TTC31: variants seen among roughly 807,000 people sequenced by gnomAD.
TTC31 encodes the protein tetratricopeptide repeat protein 31.
A neutral mutation model predicts 60.4 loss-of-function variants in TTC31; 59 were observed. The ratio of observed to expected loss-of-function variants is 0.98; its 90% CI spans 0.79 to 1.21. The LOEUF (loss-of-function observed/expected upper bound fraction) is 1.21, where lower values mean the gene tolerates loss of function less well. Among genes scored for constraint, TTC31 ranks in the 50% most tolerant of loss-of-function variants. The probability of loss-of-function intolerance (pLI) is 0.00; values close to 1 mark genes in which losing one functional copy is unlikely to be tolerated. For synonymous variants in TTC31, 225 were observed against 249.6 expected, an observed-to-expected ratio of 0.90 and a Z score of 0.93; for missense variants, 672 against 646.9, an observed-to-expected ratio of 1.04 and a Z score of -0.42.
chr2:74,490,308 G>A lies in TTC31; in HGVS notation c.297G>A (p.Gly99=). Residue 99 remains glycine (G), a synonymous_variant, in exon 4 of 13, where the codon GGG becomes GGA. Transcript: ENST00000233623. Reference sequence around the variant, plus strand: ...CTGGACAGAGTGACAGGGGCAAGGGGGCTGAGGGACTGGGCACCTACTGTG... The same window carrying A: ...CTGGACAGAGTGACAGGGGCAAGGGAGCTGAGGGACTGGGCACCTACTGTG... The part of the protein sequence containing the change: ...KSTGQSDRGK[G]AEGLGTYCGL... 1 of 1,614,128 alleles carries A rather than the reference G, an allele frequency of 6.2e-7. No homozygotes were observed. Among genetic ancestry groups the A allele is most frequent in the Non-Finnish European group, 8.5e-7 (1 of 1,180,010 alleles).
chr2:74,488,519 C>T (rs1391771446), intron 2 of TTC31, among the ~76,000 whole-genome samples: 1 of 152,200 alleles, frequency 6.6e-6, no homozygotes, highest in Non-Finnish European at 1.5e-5. Flanking sequence ...CCATCAGGAC[C>T]ACAGAATGTG....
chr2:74,490,346 C>T lies in TTC31; in HGVS notation c.335C>T (p.Ser112Phe), dbSNP rs1673697525. 1.2e-6 allele frequency: 2 copies of T among 1,614,088 alleles called. No homozygotes were observed. The highest frequency in any genetic ancestry group is 8.5e-7 in the Non-Finnish European group (1 of 1,179,998). ...GLGTYCGLRK[S>F]FLYPPQESEP... ...GGCACCTACTGTGGTCTCCGCAAGT[C>T]CTTCCTGTATCCTCCCCAAGAGTCT... The change falls in exon 4 of 13, where the codon TCC becomes TTC. Residue 112 changes from serine to phenylalanine, a missense_variant. Physicochemically the swap from Ser to Phe is radical, Grantham distance 155. Transcript: ENST00000233623.
At chr2:74,483,700 G>T in intron 2 of TTC31, 1 of 1,059,158 alleles carries the variant, frequency 9.4e-7, no homozygotes, top group African/African-American at 1.6e-5. Flanking sequence ...ATGGAGGCCG[G>T]GCGCGGTGGC....
In TTC31 at chr2:74,490,682, G is replaced by A. The variant is rs561098173; in HGVS notation, c.489G>A (p.Leu163=). Residue 163 remains leucine (L), a synonymous_variant, in exon 5 of 13, where the codon CTG becomes CTA. Transcript: ENST00000233623. Reference sequence around the variant, plus strand: ...AAGCCAATCGCCTGGCTGAGGAGCTGGTGGCTGAGGAGGAGCGCATGAAAC... The same window carrying A: ...AAGCCAATCGCCTGGCTGAGGAGCTAGTGGCTGAGGAGGAGCGCATGAAAC... ...EEEANRLAEE[L]VAEEERMKQK... The A allele has an allele frequency of 6.4e-5, 104 of 1,613,942 alleles. 1 individual carries two copies. In the South Asian group the frequency reaches 1.1e-3, roughly 17 times the overall value.
At position 74,493,026 on chromosome 2, in the gene TTC31, C is replaced by G. The variant is rs756931988; in HGVS notation, c.1368C>G (p.Cys456Trp). Residue 456 changes from cysteine (C) to tryptophan (W), a missense_variant, in exon 13 of 13, where the codon TGC (cysteine) becomes TGG (tryptophan). Physicochemically the swap from Cys to Trp is radical, Grantham distance 215 (BLOSUM62 -2). Coordinates refer to ENST00000233623, the MANE Select transcript of TTC31 (RefSeq NM_022492.6). ...LAPSGLPSLR[C>W]PRSTALRSPG... is the part of the protein sequence containing the mutation. ...CCTCAGGCCTACCTTCCCTCAGGTG[C>G]CCTCGAAGCACTGCTTTGAGGTCCC... is the stretch of plus-strand genomic sequence containing the variant. 6.2e-7 allele frequency: 1 copy of G among 1,614,058 alleles called. No individual in the cohort carries two copies. The highest frequency in any genetic ancestry group is 1.3e-5 in the African/African-American group (1 of 74,916).
In TTC31 at chr2:74,491,065, T is replaced by C. The variant is rs552478078; in HGVS notation, c.547-63T>C. 9 of 1,602,676 alleles carry C rather than the reference T, an allele frequency of 5.6e-6. No individual in the cohort carries two copies. The East Asian group carries it at 1.8e-4, about 32-fold the overall frequency. ...GCTGCAAAGATGGAATGCGAAATCT[T>C]AGCCCAGCACACGACATACAGTAAG... On this transcript the variant is annotated intron_variant, in intron 5 of 12. Transcript: ENST00000233623.
Position 74,491,128 on chromosome 2 carries a change from C to G in TTC31, c.547C>G (p.Arg183Gly), listed in dbSNP as rs1455204063. 1 of 1,614,062 alleles carries G rather than the reference C, an allele frequency of 6.2e-7. No homozygotes were observed. Among genetic ancestry groups the G allele is most frequent in the South Asian group, 1.1e-5 (1 of 91,088 alleles). Residue 183 changes from arginine to glycine, a missense_variant and splice_region_variant, in exon 6 of 13, where the codon CGT becomes GGT. Physicochemically the swap from Arg to Gly is moderately radical, Grantham distance 125. Coordinates refer to ENST00000233623, the MANE Select transcript of TTC31 (RefSeq NM_022492.6). ...ATCATTGTTACCATTACTATTGCAG[C>G]GTCAAAAGGAACGGAAGCGACAGGA... ...KAEKKRLKKKRQKERKRQERL... is the reference protein window; with the variant it reads ...KAEKKRLKKKGQKERKRQERL...
At chr2:74,487,491 T>A (rs898508238) in intron 2 of TTC31, among the ~76,000 whole-genome samples, 13 of 152,134 alleles carry the variant, frequency 8.5e-5, no homozygotes, top group Non-Finnish European at 1.3e-4. Flanking sequence ...TTGCTGGGAT[T>A]ACAGGTGTGA....
At chr2:74,488,950 G>C (rs192505751) in intron 2 of TTC31, among the ~76,000 whole-genome samples, 23 of 152,302 alleles carry the variant, frequency 1.5e-4, no homozygotes, top group Non-Finnish European at 2.9e-4. Context: ...CAGCTACTTG[G>C]GAGGGTGAGG....
intron 2 of TTC31, among the ~76,000 whole-genome samples, chr2:74,489,264 T>C (rs545487544): frequency 5.9e-5 from 9 of 152,154 alleles, no homozygotes; most frequent in Admixed American, 5.2e-4. Flanking sequence ...TGAAGGGAGA[T>C]AGAATTTGAA....
At position 74,492,992 on chromosome 2, in the gene TTC31, A is replaced by T. The variant is rs367938927; in HGVS notation, c.1334A>T (p.Glu445Val). The stretch of plus-strand genomic sequence containing the variant: ...GCCCTCCAGCCACTTCCCCATGCTG[A>T]GCTGGCACCCTCAGGCCTACCTTCC... ...PGALQPLPHA[E>V]LAPSGLPSLR... Residue 445 changes from glutamate to valine, a missense_variant, in exon 13 of 13, where the codon GAG becomes GTG. Glu to Val is a moderately radical substitution (Grantham distance 121, BLOSUM62 -2). Transcript: ENST00000233623. The T allele has an allele frequency of 1.2e-6, 2 of 1,613,992 alleles. No homozygotes were observed. The highest frequency in any genetic ancestry group is 2.7e-5 in the African/African-American group (2 of 74,918).
intron 1 of TTC31, 83 bp from the exon 2 acceptor site, chr2:74,483,239 C>T: frequency 1.2e-6 from 2 of 1,612,792 alleles, no homozygotes; most frequent in Non-Finnish European, 1.7e-6. Flanking sequence ...ATGCAGAGGG[C>T]GGAGAGTCGA....
rs114042915 is a variant in TTC31, at chr2:74,484,362, G to A, written c.129+952G>A. Among the ~76,000 whole-genome samples, 646 of 152,370 alleles carry A rather than the reference G, an allele frequency of 4.2e-3. 6 individuals are homozygous for A. The highest frequency in any genetic ancestry group is 0.015 in the African/African-American group (623 of 41,590). On this transcript the variant is annotated intron_variant, in intron 2 of 12. Coordinates refer to ENST00000233623, the MANE Select transcript of TTC31 (RefSeq NM_022492.6). Reference sequence around the variant, plus strand: ...CAGAGTAGAGAATCTGGTTGGAACAGTAAAAGATGGGGTGGGAGAGAAGGC... The same window carrying A: ...CAGAGTAGAGAATCTGGTTGGAACAATAAAAGATGGGGTGGGAGAGAAGGC...
intron 5 of TTC31, 76 bp from the exon 6 acceptor site, chr2:74,491,052 G>A: frequency 6.3e-7 from 1 of 1,577,446 alleles, no homozygotes; most frequent in Non-Finnish European, 8.7e-7. Flanking sequence ...TGCAAAGATG[G>A]AATGCGAAAT....
At chr2:74,484,053 T>C (rs918319374) in intron 2 of TTC31, among the ~76,000 whole-genome samples, 5 of 151,090 alleles carry the variant, frequency 3.3e-5, no homozygotes, top group African/African-American at 1.2e-4. Context: ...CTGGCCAACA[T>C]GGTGAAACGC....
intron 2 of TTC31, among the ~76,000 whole-genome samples, chr2:74,489,182 C>G (rs376153215): frequency 3.3e-5 from 5 of 152,190 alleles, no homozygotes; most frequent in East Asian, 3.8e-4. Flanking sequence ...AATTGTGTAA[C>G]ACAGATAATG....
chr2:74,492,490 G>C (rs1416806518), intron 11 of TTC31, 45 bp downstream of exon 11: 34 of 1,527,508 alleles, frequency 2.2e-5, no homozygotes, highest in Non-Finnish European at 2.9e-5. Context: ...GAGTGGGATG[G>C]AGTGGGGAGA....
Position 74,491,183 on chromosome 2 carries a change from A to AG in TTC31, c.603+1dup. 6.2e-7 allele frequency: 1 copy of AG among 1,614,126 alleles called. No individual in the cohort carries two copies. Among genetic ancestry groups the AG allele is most frequent in the Non-Finnish European group, 8.5e-7 (1 of 1,179,988 alleles). ...TTGGAGCAGTACTGTGGGGAGCCCA[A>AG]GGTGAGTATCTAGGGCAGGTACTAA... is the stretch of plus-strand genomic sequence containing the variant. On this transcript the variant is annotated frameshift_variant and splice_region_variant, in exon 6 of 13. Transcript: ENST00000233623. LOFTEE classifies it high-confidence loss of function.
chr2:74,490,018 C>A lies in TTC31; in HGVS notation c.130-7C>A. On this transcript the variant is annotated splice_region_variant and splice_polypyrimidine_tract_variant and intron_variant, in intron 2 of 12. Transcript: ENST00000233623. The stretch of plus-strand genomic sequence containing the variant: ...CCAGCCTCCCCTCCCCTCCCCTCCC[C>A]TCCCAGGACATAGTGGATTTTCTTC... 6.5e-7 allele frequency: 1 copy of A among 1,548,850 alleles called. No homozygotes were observed. The highest frequency in any genetic ancestry group is 8.7e-7 in the Non-Finnish European group (1 of 1,143,756).
Sources: allele counts gnomAD v4.1 joint callset (sites outside exome capture counted in the v4.1 genomes callset), GRCh38; gene constraint gnomAD v4.1.1; transcripts MANE v1.5; gene names NCBI Gene and HGNC (gene_info 2026-07-23, HGNC 2026-07-21).